Variants in UST observed in about 807,000 individuals in gnomAD.
The protein encoded by UST is uronyl 2-sulfotransferase.
Under a neutral mutation model 45.6 loss-of-function variants are expected in UST, and 21 were observed. That is an observed-to-expected ratio of 0.46 (90% CI 0.33 to 0.66). UST has a LOEUF of 0.66. Ranked by LOEUF, UST falls within the 30% of genes least tolerant of loss-of-function variation. The pLI, the probability that UST is intolerant of heterozygous loss-of-function variation, is 0.02. For missense variants in UST, 463 were observed against 512.4 expected (o/e 0.90, Z 0.93); for synonymous variants, 215 against 200.6 (o/e 1.07, Z -0.61).
chr6:148,900,677 T>C (rs1025359093), intron 2 of UST, among the ~76,000 whole-genome samples: 8 of 152,244 alleles, frequency 5.3e-5, no homozygotes, highest in African/African-American at 1.9e-4. Flanking sequence ...TCCTATTTCC[T>C]GCATTACCAT....
chr6:148,958,148 G>C (rs776060357), intron 4 of UST, among the ~76,000 whole-genome samples: 1 of 152,082 alleles, frequency 6.6e-6, no homozygotes, highest in African/African-American at 2.4e-5. Context: ...ATGCGATCCC[G>C]TGAGCACTTG....
At chr6:149,024,881 G>T (rs1273206741) in intron 7 of UST, among the ~76,000 whole-genome samples, 2 of 151,992 alleles carry the variant, frequency 1.3e-5, no homozygotes, top group Non-Finnish European at 2.9e-5. Context: ...CATCTGAAGA[G>T]CTGAATTAAG....
intron 1 of UST, among the ~76,000 whole-genome samples, chr6:148,827,845 A>G (rs1777603906): frequency 6.6e-6 from 1 of 152,128 alleles, no homozygotes; most frequent in Admixed American, 6.5e-5. Flanking sequence ...TTACTAAAAC[A>G]GATGGTAGAG....
At chr6:149,009,884 C>T (rs1775776369) in intron 5 of UST, among the ~76,000 whole-genome samples, 1 of 150,302 alleles carries the variant, frequency 6.7e-6, no homozygotes, top group African/African-American at 2.4e-5. Flanking sequence ...TTCAATAGCA[C>T]ATATACATCA....
chr6:149,052,051 G>A (rs1776495312), intron 7 of UST, among the ~76,000 whole-genome samples: 1 of 152,082 alleles, frequency 6.6e-6, no homozygotes, highest in Non-Finnish European at 1.5e-5. Flanking sequence ...GTATAGGTGG[G>A]GAAAGTTGAT....
At chr6:148,797,775 C>T (rs1264826747) in intron 1 of UST, among the ~76,000 whole-genome samples, 1 of 152,046 alleles carries the variant, frequency 6.6e-6, no homozygotes, top group Non-Finnish European at 1.5e-5. Context: ...GCAGTTCAGA[C>T]AAGAAGAACA....
At chr6:149,019,003 T>C (rs1282547361) in intron 5 of UST, 136 bp from the exon 6 acceptor site, 1 of 743,008 alleles carries the variant, frequency 1.3e-6, no homozygotes, top group African/African-American at 1.8e-5. Context: ...AGTTTTCTCA[T>C]GAAATCTGTG....
At chr6:148,892,552 G>A (rs1366414989) in intron 2 of UST, among the ~76,000 whole-genome samples, 1 of 152,056 alleles carries the variant, frequency 6.6e-6, no homozygotes, top group Non-Finnish European at 1.5e-5. Flanking sequence ...GCCTCAGGTA[G>A]CTATTTAAAT....
rs993019486 is a variant in UST at position 148,797,465 on chromosome 6, A to G, written c.247+49788A>G. On this transcript the variant is annotated intron_variant, in intron 1 of 7. Transcript: ENST00000367463. ...TGTCAAAAAACATTCCTAATATGTT[A>G]TTGATTTATTCAGCAAGCTTTTATG... 3.3e-5 allele frequency among the ~76,000 whole-genome samples: 5 copies of G among 152,332 alleles called. No homozygotes were observed. The South Asian group carries it at 1.0e-3, about 32-fold the overall frequency.
At position 148,775,420 on chromosome 6, in the gene UST, C is replaced by A. The variant is rs562155000; in HGVS notation, c.247+27743C>A. Among the ~76,000 whole-genome samples the A allele has an allele frequency of 1.3e-5, 2 of 151,938 alleles. 1 individual carries two copies. Among genetic ancestry groups the A allele is most frequent in the Non-Finnish European group, 2.9e-5 (2 of 67,982 alleles). On this transcript the variant is annotated intron_variant, in intron 1 of 7. Coordinates refer to ENST00000367463, the MANE Select transcript of UST (RefSeq NM_005715.3). ...CCTTTTGCAGATTTTGCAAAAAAAA[C>A]GTGAGCATGTGCGTTTATTGTTAGA...
chr6:148,877,393 C>T (rs1280754638), intron 1 of UST, among the ~76,000 whole-genome samples: 4 of 17,500 alleles, frequency 2.3e-4, no homozygotes, highest in African/African-American at 3.4e-4. Context: ...TGTATGAGTG[C>T]GGGGGTCGTG....
At position 148,748,697 on chromosome 6, in the gene UST, G is replaced by C. The variant is rs934421156; in HGVS notation, c.247+1020G>C. Among the ~76,000 whole-genome samples, 3 of 152,072 alleles carry C rather than the reference G, an allele frequency of 2.0e-5. No homozygotes were observed. Among genetic ancestry groups the C allele is most frequent in the Admixed American group, 1.3e-4 (2 of 15,260 alleles). On this transcript the variant is annotated intron_variant, in intron 1 of 7. Coordinates refer to ENST00000367463, the MANE Select transcript of UST (RefSeq NM_005715.3). This position sits in a 1 kb window ranked among gnomAD's most constrained non-coding sequence, Gnocchi z 5.3. ...TGTGGCCAGAAGAGGTCGTGCGGGG[G>C]TGAAGGCTGGGAGAGCTCCAGCTTC...
chr6:148,953,191 G>C (rs1030019666), intron 3 of UST, among the ~76,000 whole-genome samples: 4 of 152,026 alleles, frequency 2.6e-5, no homozygotes, highest in African/African-American at 9.7e-5. Context: ...CAATATTTTT[G>C]TATATCCCAA....
At chr6:148,759,675 C>T (rs1776170620) in intron 1 of UST, among the ~76,000 whole-genome samples, 2 of 150,922 alleles carry the variant, frequency 1.3e-5, no homozygotes, top group Admixed American at 1.3e-4. Context: ...GGTGAAACCC[C>T]GTCTGTACTA....
intron 7 of UST, among the ~76,000 whole-genome samples, chr6:149,060,815 A>T (rs1421335879): frequency 6.6e-6 from 1 of 152,208 alleles, no homozygotes; most frequent in Non-Finnish European, 1.5e-5. Flanking sequence ...TTAAAACAGC[A>T]AGGCCTCTCA....
At chr6:148,908,079 T>C (rs1210921390) in intron 2 of UST, among the ~76,000 whole-genome samples, 1 of 152,076 alleles carries the variant, frequency 6.6e-6, no homozygotes. Flanking sequence ...CAGCTAATTT[T>C]TGTATTTTTA....
chr6:148,941,387 G>A lies in UST; in HGVS notation c.400G>A (p.Val134Ile), dbSNP rs760159603. ...ILSEKHGFNL[V>I]TSDIHNKTRL... The stretch of plus-strand genomic sequence containing the variant: ...GTCGGAGAAGCACGGATTTAATTTG[G>A]TCACATCAGACATTCACAACAAAAC... The change falls in exon 3 of 8, where the codon GTC becomes ATC. Residue 134 changes from valine (V) to isoleucine (I), a missense_variant. Physicochemically the swap from Val to Ile is conservative, Grantham distance 29. Coordinates refer to ENST00000367463, the MANE Select transcript of UST (RefSeq NM_005715.3). 4 of 1,611,264 alleles carry A rather than the reference G, an allele frequency of 2.5e-6. No individual in the cohort carries two copies. The South Asian group carries it at 3.3e-5, about 13-fold the overall frequency.
intron 7 of UST, among the ~76,000 whole-genome samples, chr6:149,044,551 C>A (rs144368468): frequency 6.6e-6 from 1 of 152,076 alleles, no homozygotes; most frequent in Non-Finnish European, 1.5e-5. Flanking sequence ...AGGGGGATGA[C>A]GGTCGGTGGG....
At chr6:148,930,158 T>G (rs1582904959) in intron 2 of UST, among the ~76,000 whole-genome samples, 1 of 152,214 alleles carries the variant, frequency 6.6e-6, no homozygotes, top group Non-Finnish European at 1.5e-5. Flanking sequence ...TCCGTTCTCA[T>G]ACCACTGTAT....
Sources: gnomAD v4.1 joint callset for allele counts (sites outside exome capture counted in the v4.1 genomes callset) on GRCh38, gnomAD v4.1.1 for gene constraint, Gnocchi (gnomAD v3.1) non-coding constraint, MANE v1.5 for transcripts, NCBI Gene and HGNC (gene_info 2026-07-23, HGNC 2026-07-21) for gene names.